MACROD2: variants seen among roughly 807,000 people sequenced by gnomAD.
MACROD2 encodes mono-ADP ribosylhydrolase 2.
MACROD2 carries 36 observed loss-of-function variants against 70.4 expected under a neutral mutation model. The observed-to-expected ratio is 0.51, with a 90% CI of 0.39 to 0.68. The LOEUF is 0.68. MACROD2 is among the 30% of genes least tolerant of loss of function. MACROD2 has a pLI of 0.00. For synonymous variants in MACROD2, 172 were observed against 178.8 expected (o/e 0.96, Z 0.30); for missense variants, 496 against 538.4 (o/e 0.92, Z 0.78).
At chr20:14,301,133 G>C (rs2082471373) in intron 3 of MACROD2, among the ~76,000 whole-genome samples, 1 of 152,102 alleles carries the variant, frequency 6.6e-6, no homozygotes, top group African/African-American at 2.4e-5. Context: ...TAATTTACCT[G>C]AGATCACACA....
chr20:14,462,430 A>G (rs1302349852), intron 3 of MACROD2, among the ~76,000 whole-genome samples: 1 of 152,106 alleles, frequency 6.6e-6, no homozygotes, highest in Non-Finnish European at 1.5e-5. Context: ...GATTCTGGAT[A>G]TAAGCCCTTT....
At chr20:14,700,064 T>C (rs138296573) in intron 5 of MACROD2, among the ~76,000 whole-genome samples, 2,207 of 151,388 alleles carry the variant, frequency 0.015, 59 homozygotes, top group African/African-American at 0.05. Context: ...AGTTTAAAGT[T>C]TAAATCTAGA....
chr20:15,321,501 T>G lies in MACROD2; in HGVS notation c.540+91440T>G, dbSNP rs1485399657. ...TGGGATGATTGTTAAAATTTCTCTA[T>G]TCCTACATCTTGTAATTAGCTTAGC... On this transcript the variant is annotated intron_variant, in intron 6 of 17. Transcript: ENST00000684519. Among the ~76,000 whole-genome samples, 3 of 144,212 alleles carry G rather than the reference T, an allele frequency of 2.1e-5. 1 individual carries two copies. Among genetic ancestry groups the G allele is most frequent in the Non-Finnish European group, 4.7e-5 (3 of 63,836 alleles). 94.6% of individuals were successfully genotyped at this position (144,212 alleles called of 152,430 possible).
At chr20:15,117,995 T>G (rs538096786) in intron 5 of MACROD2, among the ~76,000 whole-genome samples, 1 of 152,118 alleles carries the variant, frequency 6.6e-6, no homozygotes, top group Non-Finnish European at 1.5e-5. Context: ...TTTACTTTTT[T>G]GTGGCTCTGA....
chr20:14,084,728 T>A (rs1265620317), intron 2 of MACROD2, among the ~76,000 whole-genome samples: 1 of 152,042 alleles, frequency 6.6e-6, no homozygotes, highest in Non-Finnish European at 1.5e-5. Flanking sequence ...TAAAATCTAG[T>A]AGCACCCTCT....
intron 11 of MACROD2, among the ~76,000 whole-genome samples, chr20:15,935,005 G>A (rs2065636893): frequency 4.1e-5 from 1 of 24,354 alleles, no homozygotes; most frequent in Admixed American, 5.7e-4. Flanking sequence ...TGTCCTTATC[G>A]AAAAAGATTG....
At chr20:14,657,632 C>G (rs1302895449) in intron 4 of MACROD2, among the ~76,000 whole-genome samples, 1 of 152,190 alleles carries the variant, frequency 6.6e-6, no homozygotes, top group East Asian at 1.9e-4. Flanking sequence ...ATACGTCTTT[C>G]TGGTTTAGCT....
intron 5 of MACROD2, among the ~76,000 whole-genome samples, chr20:15,175,491 C>G (rs2145894453): frequency 6.6e-6 from 1 of 152,014 alleles, no homozygotes; most frequent in African/African-American, 2.4e-5. Context: ...AATATAGAAA[C>G]CATGAATAGT....
intron 3 of MACROD2, among the ~76,000 whole-genome samples, chr20:14,106,853 C>G (rs1034044105): frequency 5.3e-5 from 8 of 152,148 alleles, no homozygotes; most frequent in Non-Finnish European, 1.5e-5. Context: ...TATGAGTCTG[C>G]AAGAACCACA....
At chr20:15,310,961 C>T (rs547525203) in intron 6 of MACROD2, among the ~76,000 whole-genome samples, 3 of 152,112 alleles carry the variant, frequency 2.0e-5, no homozygotes, top group East Asian at 1.9e-4. Context: ...AAATAGTGGT[C>T]GGCATTGTTT....
chr20:14,056,238 T>C (rs1377918459), intron 2 of MACROD2, among the ~76,000 whole-genome samples: 1 of 152,078 alleles, frequency 6.6e-6, no homozygotes, highest in East Asian at 1.9e-4. Flanking sequence ...GATATTTGAC[T>C]TCCATATGTG....
At chr20:14,619,916 T>C (rs1983733871) in intron 4 of MACROD2, among the ~76,000 whole-genome samples, 1 of 152,184 alleles carries the variant, frequency 6.6e-6, no homozygotes, top group African/African-American at 2.4e-5. Flanking sequence ...CTGTCTGAAA[T>C]GTTGCTAGTG....
At chr20:14,210,926 G>A (rs2327819) in intron 3 of MACROD2, among the ~76,000 whole-genome samples, 142,090 of 152,218 alleles carry the variant, frequency 0.93, 66,451 homozygotes, top group East Asian at 0.99. Flanking sequence ...AGTACAGTGC[G>A]TCATGTAAGG....
chr20:14,702,636 T>TGG (rs2123640356), intron 5 of MACROD2, among the ~76,000 whole-genome samples: 5 of 74,112 alleles, frequency 6.7e-5, no homozygotes, highest in Non-Finnish European at 1.3e-4. Context: ...CATATATATA[T>TGG]GTATATATAT....
chr20:15,094,045 TTTAG>T (rs1347794200), intron 5 of MACROD2, among the ~76,000 whole-genome samples: 2 of 152,166 alleles, frequency 1.3e-5, no homozygotes. Flanking sequence ...CTGTTGACCA[TTTAG>T]TTAGTGAGTA....
At chr20:14,027,364 C>G (rs1009659238) in intron 2 of MACROD2, among the ~76,000 whole-genome samples, 2 of 151,986 alleles carry the variant, frequency 1.3e-5, no homozygotes, top group African/African-American at 4.8e-5. Context: ...TTCCTCTAAC[C>G]TTTTTTCAAG....
In MACROD2 at chr20:15,259,520, T is replaced by C. The variant is rs1434498973; in HGVS notation, c.540+29459T>C. On this transcript the variant is annotated intron_variant, in intron 6 of 17. Transcript: ENST00000684519. ...GCATTTGTTGTGGTGATGGTTTTTTTAAGTTAGAAAATCAGATCATCTGCA... is the reference window on the plus strand; with the variant it reads ...GCATTTGTTGTGGTGATGGTTTTTTCAAGTTAGAAAATCAGATCATCTGCA... Among the ~76,000 whole-genome samples the C allele has an allele frequency of 2.6e-5, 4 of 152,054 alleles. 1 individual carries two copies. Among genetic ancestry groups the C allele is most frequent in the Admixed American group, 2.6e-4 (4 of 15,240 alleles).
intron 5 of MACROD2, among the ~76,000 whole-genome samples, chr20:15,113,888 A>T (rs1318288872): frequency 6.6e-6 from 1 of 151,972 alleles, no homozygotes; most frequent in Non-Finnish European, 1.5e-5. Flanking sequence ...GCTCCAAATT[A>T]TTCCAAATGG....
At chr20:15,013,114 C>T (rs1057061908) in intron 5 of MACROD2, among the ~76,000 whole-genome samples, 1 of 152,110 alleles carries the variant, frequency 6.6e-6, no homozygotes, top group Non-Finnish European at 1.5e-5. Context: ...CTGAGTAGAA[C>T]CCCTCTTTCT....
Sources: allele counts gnomAD v4.1 joint callset (sites outside exome capture counted in the v4.1 genomes callset), GRCh38; gene constraint gnomAD v4.1.1; transcripts MANE v1.5; gene names NCBI Gene and HGNC (gene_info 2026-07-23, HGNC 2026-07-21).